The following SGCD variants were observed in gnomAD, a reference collection of about 807,000 sequenced individuals.
SGCD encodes the protein delta-sarcoglycan.
A neutral mutation model predicts 36.6 loss-of-function variants in SGCD; 18 were observed. That is an observed-to-expected ratio of 0.49 (90% CI 0.34 to 0.73). The LOEUF (loss-of-function observed/expected upper bound fraction) is 0.73, where lower values mean the gene tolerates loss of function less well. Ranked by LOEUF, SGCD falls within the 30% of genes least tolerant of loss-of-function variation. The probability of loss-of-function intolerance (pLI) is 0.01; values close to 1 mark genes in which losing one functional copy is unlikely to be tolerated. For synonymous variants in SGCD, 133 were observed against 130.6 expected (o/e 1.02, Z -0.12); for missense variants, 387 against 346.7 (o/e 1.12, Z -0.92).
chr5:156,401,902 C>T (rs1350426617), intron 3 of SGCD, among the ~76,000 whole-genome samples: 1 of 152,094 alleles, frequency 6.6e-6, no homozygotes, highest in East Asian at 1.9e-4. Context: ...TCATCTCAAG[C>T]TGAAACTCTG....
intron 7 of SGCD, among the ~76,000 whole-genome samples, chr5:156,680,408 C>T (rs149007955): frequency 1.2e-3 from 183 of 152,242 alleles, no homozygotes; most frequent in African/African-American, 4.1e-3. Flanking sequence ...CAGTCCTTAC[C>T]CTACCACTTA....
intron 7 of SGCD, among the ~76,000 whole-genome samples, chr5:156,687,507 T>C (rs1363909106): frequency 6.6e-6 from 1 of 152,188 alleles, no homozygotes; most frequent in Non-Finnish European, 1.5e-5. Flanking sequence ...ATTATGTCAC[T>C]GAACTGAATA....
chr5:156,159,477 A>G (rs1763039390), intron 3 of SGCD, among the ~76,000 whole-genome samples: 2 of 151,588 alleles, frequency 1.3e-5, no homozygotes, highest in Non-Finnish European at 2.9e-5. Context: ...CCACTCATAA[A>G]AAAAACAAAA....
At position 156,553,938 on chromosome 5, in the gene SGCD, T is replaced by C. The variant is rs144218329; in HGVS notation, c.295-35293T>C. ...GAAGATTTGTGTACACATTTTTGTG[T>C]AAATATATGTTTTCAATTATCTTGG... On this transcript the variant is annotated intron_variant, in intron 4 of 8. Transcript: ENST00000337851. Among the ~76,000 whole-genome samples the C allele has an allele frequency of 4.5e-3, 690 of 152,316 alleles. 4 individuals carry two copies. Among genetic ancestry groups the C allele is most frequent in the African/African-American group, 0.014 (574 of 41,572 alleles).
At chr5:155,861,343 C>G in the SGCD span, among the ~76,000 whole-genome samples, 143 of 152,262 alleles carry the variant, frequency 9.4e-4, no homozygotes, top group African/African-American at 3.3e-3. Flanking sequence ...TATTTAACTT[C>G]CAGCACCTTG....
intron 7 of SGCD, among the ~76,000 whole-genome samples, chr5:156,744,460 T>C (rs1561892399): frequency 6.6e-6 from 1 of 152,148 alleles, no homozygotes; most frequent in Non-Finnish European, 1.5e-5. Flanking sequence ...ACATGCTGAG[T>C]TTCAGGAAGA....
chr5:156,672,426 C>T (rs552218692), intron 7 of SGCD, among the ~76,000 whole-genome samples: 2 of 152,204 alleles, frequency 1.3e-5, no homozygotes, highest in South Asian at 4.2e-4. Flanking sequence ...CTAAACAAAT[C>T]TTCCTGAGTG....
chr5:156,514,243 T>A lies in SGCD; in HGVS notation c.294+5541T>A, dbSNP rs375071917. On this transcript the variant is annotated intron_variant, in intron 4 of 8. Coordinates refer to ENST00000337851, the MANE Select transcript of SGCD (RefSeq NM_000337.6). ...CTTCAAAGAGGCTTTTTACCTCACATCTTAGGATGCTAGGATTAGATTATG... is the reference window on the plus strand; with the variant it reads ...CTTCAAAGAGGCTTTTTACCTCACAACTTAGGATGCTAGGATTAGATTATG... Among the ~76,000 whole-genome samples the A allele has an allele frequency of 5.4e-4, 83 of 152,338 alleles. 1 individual carries two copies. The South Asian group carries it at 0.017, about 31-fold the overall frequency.
intron 7 of SGCD, among the ~76,000 whole-genome samples, chr5:156,648,191 G>T (rs1042830198): frequency 7.3e-5 from 11 of 151,222 alleles, no homozygotes; most frequent in Admixed American, 1.3e-4. Context: ...ATGGTACGTT[G>T]AAACAAATAG....
At chr5:156,562,172 CAAT>C (rs1343705650) in intron 4 of SGCD, among the ~76,000 whole-genome samples, 2 of 152,048 alleles carry the variant, frequency 1.3e-5, no homozygotes, top group African/African-American at 2.4e-5. Flanking sequence ...GGGCAATAAA[CAAT>C]AACCATAGCA....
chr5:156,297,724 A>G (rs1053391984), intron 3 of SGCD, among the ~76,000 whole-genome samples: 7 of 151,888 alleles, frequency 4.6e-5, no homozygotes, highest in African/African-American at 1.7e-4. Flanking sequence ...CCAGCATGGC[A>G]CATGTATACC....
chr5:156,320,097 A>ATGTGTGTGTG lies in SGCD; in HGVS notation c.-43-9409_-43-9400dup, dbSNP rs10535885. Among the ~76,000 whole-genome samples, 319 of 146,194 alleles carry ATGTGTGTGTG rather than the reference A, an allele frequency of 2.2e-3. 2 individuals carry two copies. The highest frequency in any genetic ancestry group is 4.9e-3 in the African/African-American group (194 of 39,600). On this transcript the variant is annotated intron_variant, in intron 3 of 9. Coordinates refer to the SGCD transcript ENST00000517913. The stretch of plus-strand genomic sequence containing the variant: ...TTATTTGTCTTTGACAGCCTTTGAT[A>ATGTGTGTGTG]TGTGTGTGTGTGTGTGTGTGTGTGT...
chr5:156,560,104 G>A (rs1278568995), intron 4 of SGCD, among the ~76,000 whole-genome samples: 1 of 152,122 alleles, frequency 6.6e-6, no homozygotes, highest in Non-Finnish European at 1.5e-5. Flanking sequence ...TTTATTTATG[G>A]TTAGCTATTT....
rs1757569213 is a variant in SGCD, at chr5:156,765,336, T to C, written c.*5946T>C. 6.6e-6 allele frequency: 1 copy of C among 152,188 alleles called. No homozygotes were observed. Among genetic ancestry groups the C allele is most frequent in the South Asian group, 2.1e-4 (1 of 4,826 alleles). The allele number at this position is 152,188 out of a possible 1,614,324, so 9.4% of individuals were successfully genotyped here. On this transcript the variant is annotated 3_prime_UTR_variant, in exon 9 of 9. Transcript: ENST00000337851. The stretch of plus-strand genomic sequence containing the variant: ...TCTGAGGGCAGGAAGACGACACTTG[T>C]CAACAAGGAAGACAGTGTTTCTTTA...
At chr5:155,802,433 C>T in the SGCD span, among the ~76,000 whole-genome samples, 4 of 152,264 alleles carry the variant, frequency 2.6e-5, no homozygotes, top group Non-Finnish European at 2.9e-5. Context: ...ATTCTATGTA[C>T]TTAGTTTAGT....
At chr5:156,166,937 AGCTTTTCTCTAATAG>A (rs1212618385) in intron 3 of SGCD, among the ~76,000 whole-genome samples, 1 of 152,134 alleles carries the variant, frequency 6.6e-6, no homozygotes, top group Non-Finnish European at 1.5e-5. Context: ...GCAATTTTAA[AGCTTTTCTCTAATAG>A]GCTTGCTCTC....
At chr5:156,163,848 G>A (rs140903953) in intron 3 of SGCD, among the ~76,000 whole-genome samples, 1 of 150,872 alleles carries the variant, frequency 6.6e-6, no homozygotes, top group Middle Eastern at 3.4e-3. Flanking sequence ...ATGAAACCCC[G>A]TCTCTACTAA....
At chr5:156,710,719 T>C (rs1163426859) in intron 7 of SGCD, among the ~76,000 whole-genome samples, 3 of 152,180 alleles carry the variant, frequency 2.0e-5, no homozygotes, top group South Asian at 2.1e-4. Context: ...TCGGTTTAGA[T>C]AAGGGATTGT....
chr5:156,482,494 A>G (rs1036223874), intron 3 of SGCD, among the ~76,000 whole-genome samples: 1 of 152,190 alleles, frequency 6.6e-6, no homozygotes, highest in Non-Finnish European at 1.5e-5. Flanking sequence ...AGAAAGGGTC[A>G]TATGTTTCTT....
Sources: allele counts gnomAD v4.1 joint callset (sites outside exome capture counted in the v4.1 genomes callset), GRCh38; gene constraint gnomAD v4.1.1; transcripts MANE v1.5; gene names NCBI Gene and HGNC (gene_info 2026-07-23, HGNC 2026-07-21).